Variants in DTL observed in about 807,000 individuals in gnomAD.
DTL encodes the protein denticleless E3 ubiquitin protein ligase adapter, also known as denticleless protein homolog.
Under a neutral mutation model 87.0 loss-of-function variants are expected in DTL, and 46 were observed. The observed-to-expected ratio is 0.53, with a 90% CI of 0.42 to 0.68. The LOEUF is 0.68. Among genes scored for constraint, DTL ranks in the 30% least tolerant of loss-of-function variants. The pLI is 0.00. For missense variants in DTL, 737 were observed against 869.4 expected, an observed-to-expected ratio of 0.85 and a Z score of 1.91; for synonymous variants, 308 against 311.2, an observed-to-expected ratio of 0.99 and a Z score of 0.11.
At chr1:212,101,349 C>T (rs879911013) in intron 14 of DTL, among the ~76,000 whole-genome samples, 3 of 152,164 alleles carry the variant, frequency 2.0e-5, no homozygotes, top group Non-Finnish European at 2.9e-5. Context: ...ACTCTACTTA[C>T]TCCCATTAAA....
In DTL at chr1:212,100,616, G is replaced by A. The variant is rs765561689; in HGVS notation, c.1626G>A (p.Glu542=). Residue 542 remains glutamate, a synonymous_variant, in exon 14 of 15, where the codon GAG becomes GAA. Transcript: ENST00000366991. ...IPVSQKSSQA[E]ACSESRNRVK... ...TGAGCCAGAAGTCATCCCAAGCAGA[G>A]GCTTGCTCTGAGTCTAGAAATAGAG... 1.2e-6 allele frequency: 2 copies of A among 1,613,898 alleles called. No individual in the cohort carries two copies. Among genetic ancestry groups the A allele is most frequent in the Non-Finnish European group, 1.7e-6 (2 of 1,180,018 alleles).
In DTL at chr1:212,040,441, G is replaced by T. The variant is rs145514211; in HGVS notation, c.53-2552G>T. The stretch of plus-strand genomic sequence containing the variant: ...AGACACATACCTATGATTAAGTTTA[G>T]GCACAGTAAGAGATTAACAATAACT... On this transcript the variant is annotated intron_variant, in intron 1 of 14. Coordinates refer to ENST00000366991, the MANE Select transcript of DTL (RefSeq NM_016448.4). Among the ~76,000 whole-genome samples the T allele has an allele frequency of 1.8e-3, 272 of 152,216 alleles. 1 individual carries two copies. The highest frequency in any genetic ancestry group is 6.4e-3 in the African/African-American group (266 of 41,518).
At chr1:212,095,204 G>A (rs1012063191) in intron 13 of DTL, among the ~76,000 whole-genome samples, 3 of 152,054 alleles carry the variant, frequency 2.0e-5, no homozygotes, top group African/African-American at 4.8e-5. Context: ...ACTTTTCCCC[G>A]TTCAGTATAA....
At chr1:212,043,900 G>T (rs1667732516) in intron 2 of DTL, among the ~76,000 whole-genome samples, 1 of 151,466 alleles carries the variant, frequency 6.6e-6, no homozygotes, top group Non-Finnish European at 1.5e-5. Context: ...AGAAAAAGTT[G>T]TGACAAGGAA....
intron 5 of DTL, among the ~76,000 whole-genome samples, chr1:212,051,260 C>T (rs1667960732): frequency 6.6e-6 from 1 of 151,972 alleles, no homozygotes; most frequent in African/African-American, 2.4e-5. Context: ...TCCCTGAACT[C>T]ATGATTTCTC....
chr1:212,058,774 A>G (rs1668252690), intron 5 of DTL, among the ~76,000 whole-genome samples: 1 of 152,112 alleles, frequency 6.6e-6, no homozygotes, highest in African/African-American at 2.4e-5. Context: ...AAGATAAACA[A>G]AATCAATAAG....
At chr1:212,099,797 T>C (rs1419534223) in intron 13 of DTL, 1 of 153,818 alleles carries the variant, frequency 6.5e-6, no homozygotes, top group Non-Finnish European at 1.4e-5. Flanking sequence ...GTGATAGTTC[T>C]TGGAGCCAAA....
intron 13 of DTL, among the ~76,000 whole-genome samples, chr1:212,092,571 T>C (rs952578976): frequency 2.6e-4 from 39 of 152,246 alleles, no homozygotes; most frequent in African/African-American, 8.4e-4. Context: ...AACTCCATCC[T>C]GGTTCCTGCA....
At chr1:212,045,092 C>T (rs1289121447) in intron 3 of DTL, among the ~76,000 whole-genome samples, 1 of 152,182 alleles carries the variant, frequency 6.6e-6, no homozygotes, top group African/African-American at 2.4e-5. Context: ...TGAGAACTCA[C>T]TCATCTTTTC....
At chr1:212,089,070 G>C (rs1655212344) in intron 13 of DTL, among the ~76,000 whole-genome samples, 1 of 152,148 alleles carries the variant, frequency 6.6e-6, no homozygotes, top group South Asian at 2.1e-4. Flanking sequence ...TGGGCGACAA[G>C]ACAAGACTCC....
At chr1:212,055,750 C>T (rs1363287145) in intron 5 of DTL, among the ~76,000 whole-genome samples, 1 of 152,200 alleles carries the variant, frequency 6.6e-6, no homozygotes, top group African/African-American at 2.4e-5. Flanking sequence ...TGGGGATCAC[C>T]CCACCCCTGC....
At chr1:212,055,491 T>G (rs1668141893) in intron 5 of DTL, among the ~76,000 whole-genome samples, 1 of 152,146 alleles carries the variant, frequency 6.6e-6, no homozygotes, top group South Asian at 2.1e-4. Flanking sequence ...CAGGCTGAAT[T>G]GGGAGCCACA....
At position 212,101,504 on chromosome 1, in the gene DTL, T is replaced by G. The variant is rs1274343372; in HGVS notation, c.2094+420T>G. Among the ~76,000 whole-genome samples the G allele has an allele frequency of 2.0e-5, 3 of 152,200 alleles. No homozygotes were observed. The East Asian group carries it at 5.8e-4, about 29-fold the overall frequency. On this transcript the variant is annotated intron_variant, in intron 14 of 14. Transcript: ENST00000366991. ...CTCTTTTTATAGATAAAGCTGTTGT[T>G]CATGGGAAAGTTGCCAACATCCATA...
At chr1:212,072,361 A>G (rs1335861881) in intron 11 of DTL, 148 bp downstream of exon 11, 2 of 645,414 alleles carry the variant, frequency 3.1e-6, no homozygotes, top group East Asian at 5.5e-5. Context: ...GGCTCTTAAT[A>G]TAGCTGAAAC....
At chr1:212,074,027 C>T (rs867602102) in intron 11 of DTL, among the ~76,000 whole-genome samples, 6 of 151,682 alleles carry the variant, frequency 4.0e-5, no homozygotes, top group Admixed American at 3.9e-4. Context: ...AGGTCTGTAT[C>T]TTTTAAGGTT....
intron 1 of DTL, among the ~76,000 whole-genome samples, chr1:212,042,569 T>C (rs980698514): frequency 6.9e-6 from 1 of 144,300 alleles, no homozygotes; most frequent in Non-Finnish European, 1.6e-5. Flanking sequence ...ATTGACATAT[T>C]ATTTTCTTTG....
At chr1:212,067,970 C>T (rs938305970) in intron 8 of DTL, among the ~76,000 whole-genome samples, 2 of 152,092 alleles carry the variant, frequency 1.3e-5, no homozygotes, top group East Asian at 3.8e-4. Flanking sequence ...CTTCCTTTTC[C>T]GTTCTCTTAG....
chr1:212,060,975 T>C (rs1258001451), intron 5 of DTL, among the ~76,000 whole-genome samples: 1 of 152,102 alleles, frequency 6.6e-6, no homozygotes, highest in African/African-American at 2.4e-5. Flanking sequence ...TTGCAAACTA[T>C]TTATCTGATA....
At position 212,103,519 on chromosome 1, in the gene DTL, C is replaced by T. The variant is rs1031119209; in HGVS notation, c.*579C>T. 7.9e-5 allele frequency: 12 copies of T among 152,120 alleles called. No individual in the cohort carries two copies. Among genetic ancestry groups the T allele is most frequent in the African/African-American group, 2.9e-4 (12 of 41,416 alleles). 9.4% of individuals were successfully genotyped at this position (152,120 alleles called of 1,614,324 possible). The stretch of plus-strand genomic sequence containing the variant: ...TTTATATCAGTTCAGTGTTAAAATG[C>T]AGTCTCTTGAGTTAAAGTCATCTTT... On this transcript the variant is annotated 3_prime_UTR_variant, in exon 15 of 15. Coordinates refer to ENST00000366991, the MANE Select transcript of DTL (RefSeq NM_016448.4).
Sources: allele counts gnomAD v4.1 joint callset (sites outside exome capture counted in the v4.1 genomes callset), GRCh38; gene constraint gnomAD v4.1.1; transcripts MANE v1.5; gene names NCBI Gene and HGNC (gene_info 2026-07-23, HGNC 2026-07-21).